NECAB1: variants seen among roughly 807,000 people sequenced by gnomAD.
NECAB1 encodes N-terminal EF-hand calcium-binding protein 1.
A neutral mutation model predicts 57.5 loss-of-function variants in NECAB1; 29 were observed. The ratio of observed to expected loss-of-function variants is 0.50; its 90% CI spans 0.38 to 0.69. The LOEUF (loss-of-function observed/expected upper bound fraction) is 0.69. NECAB1 is among the 30% of genes least tolerant of loss of function. The pLI is 0.00. For missense variants in NECAB1, 372 were observed against 413.8 expected (o/e 0.90, Z 0.88); for synonymous variants, 142 against 147.7 (o/e 0.96, Z 0.28).
intron 2 of NECAB1, chr8:90,812,984 T>A (rs543901224): frequency 6.6e-6 from 1 of 151,878 alleles, no homozygotes; most frequent in South Asian, 2.1e-4. Flanking sequence ...GTCAGGAGTT[T>A]GAGACCATCC....
intron 5 of NECAB1, among the ~76,000 whole-genome samples, chr8:90,916,845 T>C (rs1367772083): frequency 1.3e-5 from 2 of 152,214 alleles, no homozygotes; most frequent in Admixed American, 1.3e-4. Flanking sequence ...CAGTGAATGC[T>C]GCTTTTGTGG....
At chr8:90,833,823 C>A (rs1812327983) in intron 3 of NECAB1, among the ~76,000 whole-genome samples, 1 of 152,052 alleles carries the variant, frequency 6.6e-6, no homozygotes, top group Admixed American at 6.6e-5. Context: ...CAAGAATGGT[C>A]AGTTTAAGAA....
chr8:90,840,268 A>G (rs575440668), intron 3 of NECAB1, among the ~76,000 whole-genome samples: 42 of 152,208 alleles, frequency 2.8e-4, no homozygotes, highest in Non-Finnish European at 5.0e-4. Flanking sequence ...ACTAACAATA[A>G]TAACGGTTAA....
chr8:90,822,663 C>T (rs1812160952), intron 2 of NECAB1, among the ~76,000 whole-genome samples: 1 of 151,730 alleles, frequency 6.6e-6, no homozygotes, highest in African/African-American at 2.4e-5. Flanking sequence ...AATTATAAAG[C>T]AGTATTACAG....
chr8:90,943,220 A>G (rs1388212466), intron 10 of NECAB1, among the ~76,000 whole-genome samples: 1 of 152,194 alleles, frequency 6.6e-6, no homozygotes, highest in Non-Finnish European at 1.5e-5. Flanking sequence ...AATAACCACA[A>G]TAAATTGCTC....
At chr8:90,832,666 C>T (rs950755385) in intron 3 of NECAB1, among the ~76,000 whole-genome samples, 5 of 152,156 alleles carry the variant, frequency 3.3e-5, no homozygotes, top group African/African-American at 1.2e-4. Flanking sequence ...CTTGTATCAT[C>T]TTATTTAATC....
chr8:90,915,561 G>A (rs748056120), intron 5 of NECAB1, among the ~76,000 whole-genome samples: 36 of 152,226 alleles, frequency 2.4e-4, no homozygotes, highest in Middle Eastern at 3.4e-3. Flanking sequence ...ATTATATATG[G>A]TAGATGTATT....
intron 2 of NECAB1, among the ~76,000 whole-genome samples, chr8:90,816,789 C>T (rs1380418618): frequency 1.3e-5 from 2 of 151,696 alleles, no homozygotes; most frequent in Non-Finnish European, 3.0e-5. Context: ...TCTTCCTCTT[C>T]AGTATTGTGT....
At chr8:90,834,088 A>G (rs7824486) in intron 3 of NECAB1, among the ~76,000 whole-genome samples, 59,487 of 148,930 alleles carry the variant, frequency 0.4, 13,028 homozygotes, top group East Asian at 0.81. Flanking sequence ...GATTGAACCC[A>G]GCAGGTGGCG....
chr8:90,821,911 T>C (rs938029844), intron 2 of NECAB1, among the ~76,000 whole-genome samples: 1 of 151,862 alleles, frequency 6.6e-6, no homozygotes, highest in African/African-American at 2.4e-5. Flanking sequence ...AAGATTTTTT[T>C]ATCCCAAGAC....
chr8:90,880,791 G>A (rs981804944), intron 4 of NECAB1, among the ~76,000 whole-genome samples: 1 of 152,016 alleles, frequency 6.6e-6, no homozygotes, highest in Admixed American at 6.5e-5. Flanking sequence ...TCCTACTTTT[G>A]TAGGAAGGAA....
chr8:90,938,792 G>T (rs966289378), intron 9 of NECAB1, among the ~76,000 whole-genome samples: 1 of 152,190 alleles, frequency 6.6e-6, no homozygotes, highest in Non-Finnish European at 1.5e-5. Flanking sequence ...TGAATGATCA[G>T]TTAGGTATTG....
intron 10 of NECAB1, among the ~76,000 whole-genome samples, chr8:90,947,406 CTTT>C (rs11350840): frequency 1.0e-5 from 1 of 98,258 alleles, no homozygotes; most frequent in African/African-American, 3.5e-5. Context: ...TTTTTTTTTT[CTTT>C]TTTTTTTTTC....
chr8:90,906,876 C>CAT (rs57808023), intron 5 of NECAB1, among the ~76,000 whole-genome samples: 9,105 of 120,942 alleles, frequency 0.075, 395 homozygotes, highest in Non-Finnish European at 0.11. Context: ...ATGATATACA[C>CAT]ATATATATAT....
At chr8:90,898,388 T>G (rs897872143) in intron 5 of NECAB1, among the ~76,000 whole-genome samples, 7 of 152,200 alleles carry the variant, frequency 4.6e-5, no homozygotes, top group Admixed American at 4.6e-4. Flanking sequence ...ATTGTCCCAT[T>G]TCACTGAGAT....
chr8:90,836,728 A>G lies in NECAB1; in HGVS notation c.233+11903A>G, dbSNP rs146907111. Among the ~76,000 whole-genome samples, 19 of 152,346 alleles carry G rather than the reference A, an allele frequency of 1.2e-4. No homozygotes were observed. In the East Asian group the frequency reaches 3.5e-3, roughly 28 times the overall value. ...CTAGTTGAGTTTGCAGCTTCCAAAA[A>G]ATTAGTCATTTGTTCCCTAATTATT... On this transcript the variant is annotated intron_variant, in intron 3 of 12. Transcript: ENST00000417640.
At chr8:90,890,376 T>G (rs1809131247) in intron 5 of NECAB1, among the ~76,000 whole-genome samples, 1 of 152,202 alleles carries the variant, frequency 6.6e-6, no homozygotes, top group Admixed American at 6.5e-5. Flanking sequence ...CTGCCATGAT[T>G]GTAAGTTTCC....
chr8:90,940,438 C>CT (rs1269109154), intron 9 of NECAB1: 1 of 223,574 alleles, frequency 4.5e-6, no homozygotes, highest in African/African-American at 2.2e-5. Context: ...AATACAGACA[C>CT]TTAGGGAGGT....
chr8:90,814,442 A>C (rs568013718), intron 2 of NECAB1, among the ~76,000 whole-genome samples: 147 of 152,242 alleles, frequency 9.7e-4, no homozygotes, highest in African/African-American at 3.5e-3. Flanking sequence ...ACCCAAGGAG[A>C]GGGGAGTTAT....
Sources: allele counts gnomAD v4.1 joint callset (sites outside exome capture counted in the v4.1 genomes callset), GRCh38; gene constraint gnomAD v4.1.1; transcripts MANE v1.5; gene names NCBI Gene and HGNC (gene_info 2026-07-23, HGNC 2026-07-21).